ATG13: variants seen among roughly 807,000 people sequenced by gnomAD.
ATG13 encodes autophagy related 13.
A neutral mutation model predicts 65.5 loss-of-function variants in ATG13; 23 were observed. The ratio of observed to expected loss-of-function variants is 0.35; its 90% CI spans 0.25 to 0.50. ATG13 has a LOEUF of 0.50. ATG13 is among the 20% of genes least tolerant of loss of function. The pLI is 0.98. For missense variants in ATG13, 566 were observed against 677.0 expected, an observed-to-expected ratio of 0.84 and a Z score of 1.82; for synonymous variants, 252 against 245.2, an observed-to-expected ratio of 1.03 and a Z score of -0.26.
chr11:46,645,267 C>G lies in ATG13; in HGVS notation c.70-72C>G, dbSNP rs551805299. 6.6e-6 allele frequency: 9 copies of G among 1,363,926 alleles called. No individual in the cohort carries two copies. The South Asian group carries it at 1.2e-4, about 17-fold the overall frequency. The allele number at this position is 1,363,926 out of a possible 1,614,324, so 84.5% of individuals were successfully genotyped here. A position where few individuals can be genotyped will look rare whatever the true frequency, so the allele number is the denominator to read the frequency against. On this transcript the variant is annotated intron_variant, in intron 3 of 18. Coordinates refer to ENST00000683050, the MANE Select transcript of ATG13 (RefSeq NM_001346311.2). ...ACTCTGTATTGGGAGGATTTTAACC[C>G]TGATCGGGAGCCAGATTAGTCTAAG...
chr11:46,622,317 C>T (rs2048005038), intron 1 of ATG13, among the ~76,000 whole-genome samples: 2 of 151,494 alleles, frequency 1.3e-5, no homozygotes, highest in South Asian at 4.2e-4. Flanking sequence ...CGGGGTTTCA[C>T]CATGTTAGCC....
At position 46,617,616 on chromosome 11, in the gene ATG13, C is replaced by A. The variant is rs2045717173; in HGVS notation, c.-344C>A. The A allele has an allele frequency of 4.7e-6, 1 of 212,804 alleles. No homozygotes were observed. Among genetic ancestry groups the A allele is most frequent in the South Asian group, 2.0e-4 (1 of 4,894 alleles). 13.2% of individuals were successfully genotyped at this position (212,804 alleles called of 1,614,324 possible). On this transcript the variant is annotated 5_prime_UTR_variant, in exon 1 of 19. In the 5' UTR this introduces an upstream ATG that the reference lacks. Transcript: ENST00000683050. ...GGCGGCGCCGGGAAGCGACCGGCTG[C>A]TGGGCTTAAGGCGGGAGTGACCGCT...
rs1555105175 is a variant in ATG13, at chr11:46,654,283, T to TATATATATATATATATATA, written c.459-1950_459-1949insATATATATATATATATATA. Among the ~76,000 whole-genome samples, 160 of 122,280 alleles carry TATATATATATATATATATA rather than the reference T, an allele frequency of 1.3e-3. 4 individuals are homozygous for TATATATATATATATATATA. The highest frequency in any genetic ancestry group is 5.2e-3 in the African/African-American group (152 of 29,190). The allele number at this position is 122,280 out of a possible 152,430, so 80.2% of individuals were successfully genotyped here. Reference sequence around the variant, plus strand: ...CCTCATCACTACTATTTTTAAAATTTTATATATATATATATATATATATAT... The same window carrying TATATATATATATATATATA: ...CCTCATCACTACTATTTTTAAAATTTATATATATATATATATATATATATATATATATATATATATATAT... On this transcript the variant is annotated intron_variant, in intron 7 of 18. Coordinates refer to ENST00000683050, the MANE Select transcript of ATG13 (RefSeq NM_001346311.2).
At chr11:46,622,603 G>A (rs1270499678) in intron 1 of ATG13, among the ~76,000 whole-genome samples, 1 of 152,070 alleles carries the variant, frequency 6.6e-6, no homozygotes, top group Non-Finnish European at 1.5e-5. Flanking sequence ...TCAAACTGCT[G>A]ACTACTGAAG....
intron 7 of ATG13, among the ~76,000 whole-genome samples, chr11:46,653,784 T>C (rs1040313496): frequency 6.6e-6 from 1 of 151,722 alleles, no homozygotes; most frequent in Non-Finnish European, 1.5e-5. Context: ...TTAGCCAGGA[T>C]GGTCTCGATC....
intron 14 of ATG13, among the ~76,000 whole-genome samples, 174 bp downstream of exon 14, chr11:46,665,693 C>T (rs1438064270): frequency 6.6e-6 from 1 of 151,998 alleles, no homozygotes; most frequent in Non-Finnish European, 1.5e-5. Context: ...CCTATAATCC[C>T]AGCACTTTGG....
chr11:46,649,108 CAA>C (rs770755752), intron 5 of ATG13, 27 bp from the exon 6 acceptor site: 1 of 1,593,360 alleles, frequency 6.3e-7, no homozygotes, highest in African/African-American at 1.4e-5. Flanking sequence ...ATTTTTTAAA[CAA>C]ATATTTTAAA....
In ATG13 at chr11:46,672,415, C is replaced by T. The variant is rs1291621975; in HGVS notation, c.*83C>T. On this transcript the variant is annotated 3_prime_UTR_variant, in exon 19 of 19. Transcript: ENST00000683050. ...TCCCATGCATCAGCTGCTCCCACCC[C>T]TCATCCTGCTCTGAGCCAGGTGGAA... is the stretch of plus-strand genomic sequence containing the variant. The T allele has an allele frequency of 6.8e-6, 11 of 1,607,358 alleles. No homozygotes were observed. Among genetic ancestry groups the T allele is most frequent in the Admixed American group, 3.4e-5 (2 of 59,676 alleles).
In ATG13 at chr11:46,645,407, G is replaced by A. The variant is rs775740650; in HGVS notation, c.138G>A (p.Thr46=). 16 of 1,613,370 alleles carry A rather than the reference G, an allele frequency of 9.9e-6. No individual in the cohort carries two copies. The highest frequency in any genetic ancestry group is 6.7e-5 in the East Asian group (3 of 44,866). ...KICTRSSSSP[T]GSDWFNLAIK... The stretch of plus-strand genomic sequence containing the variant: ...GCACTCGTTCATCATCTTCTCCAAC[G>A]GGTTCAGATTGGGTAAAATTCTATT... Residue 46 remains threonine, a synonymous_variant, in exon 4 of 19, where the codon ACG becomes ACA. Transcript: ENST00000683050.
rs1261698234 is a variant in ATG13 at position 46,639,488 on chromosome 11, C to G, written c.-13-4791C>G. ...TTCAGGTTGTGGGTCAGAATTCTGTCTTTATATATATATATATTGCCCAGC... is the reference window on the plus strand; with the variant it reads ...TTCAGGTTGTGGGTCAGAATTCTGTGTTTATATATATATATATTGCCCAGC... On this transcript the variant is annotated intron_variant, in intron 2 of 18. Coordinates refer to ENST00000683050, the MANE Select transcript of ATG13 (RefSeq NM_001346311.2). Among the ~76,000 whole-genome samples the G allele has an allele frequency of 3.4e-4, 51 of 151,946 alleles. 1 individual carries two copies. Among genetic ancestry groups the G allele is most frequent in the Admixed American group, 3.3e-3 (51 of 15,238 alleles).
intron 17 of ATG13, 147 bp from the exon 18 acceptor site, chr11:46,669,257 A>G (rs980632138): frequency 9.8e-7 from 1 of 1,017,700 alleles, no homozygotes; most frequent in South Asian, 1.6e-5. Flanking sequence ...AGAAGTGAAC[A>G]GTCTGGGAGA....
intron 17 of ATG13, 66 bp from the exon 18 acceptor site, chr11:46,669,338 C>G: frequency 6.3e-7 from 1 of 1,575,440 alleles, no homozygotes; most frequent in South Asian, 1.1e-5. Flanking sequence ...GAAGGAAAGA[C>G]TTGTTCATAG....
Position 46,664,065 on chromosome 11 carries a change from C to CCCCATGG in ATG13, c.860_866dup (p.Gly290HisfsTer28). Reference sequence around the variant, plus strand: ...CTGTGGTGACGGACACCCTGAGGGTCCCCATGGCAGGACTGGCCTTTTCCC... The same window carrying CCCCATGG: ...CTGTGGTGACGGACACCCTGAGGGTCCCCATGGCCCATGGCAGGACTGGCCTTTTCCC... On this transcript the variant is annotated frameshift_variant, in exon 12 of 19. Coordinates refer to ENST00000683050, the MANE Select transcript of ATG13 (RefSeq NM_001346311.2). LOFTEE classifies it high-confidence loss of function. 6.3e-7 allele frequency: 1 copy of CCCCATGG among 1,597,240 alleles called. No homozygotes were observed. Among genetic ancestry groups the CCCCATGG allele is most frequent in the Non-Finnish European group, 8.5e-7 (1 of 1,179,524 alleles).
In ATG13 at chr11:46,644,265, CTTTTT is replaced by C. The variant is rs750958461; in HGVS notation, c.-13-7_-13-3del. The C allele has an allele frequency of 8.6e-7, 1 of 1,164,702 alleles. No homozygotes were observed. Among genetic ancestry groups the C allele is most frequent in the African/African-American group, 1.6e-5 (1 of 62,206 alleles). The allele number at this position is 1,164,702 out of a possible 1,614,324, so 72.1% of individuals were successfully genotyped here. A position where few individuals can be genotyped will look rare whatever the true frequency, so the allele number is the denominator to read the frequency against. On this transcript the variant is annotated splice_polypyrimidine_tract_variant and intron_variant, in intron 2 of 18. Transcript: ENST00000683050. ...AAAGATATTAGTCATATTTTTTTCA[CTTTTT>C]TTTTTTAGATTCCTATAGGCAATGG... is the stretch of plus-strand genomic sequence containing the variant.
Position 46,670,845 on chromosome 11 carries a change from C to T in ATG13, c.1575+1313C>T, listed in dbSNP as rs550039184. Among the ~76,000 whole-genome samples the T allele has an allele frequency of 5.9e-5, 9 of 152,156 alleles. No homozygotes were observed. The South Asian group carries it at 1.0e-3, about 18-fold the overall frequency. Reference sequence around the variant, plus strand: ...ATAAATAAATAAATAAAAATCAAGGCTTTTTGAGTGCCAGGCATTTTTCTA... The same window carrying T: ...ATAAATAAATAAATAAAAATCAAGGTTTTTTGAGTGCCAGGCATTTTTCTA... On this transcript the variant is annotated intron_variant, in intron 18 of 18. Coordinates refer to ENST00000683050, the MANE Select transcript of ATG13 (RefSeq NM_001346311.2).
rs1430459656 is a variant in ATG13, at chr11:46,617,807, A to C, written c.-153A>C. On this transcript the variant is annotated 5_prime_UTR_variant, in exon 1 of 19. Coordinates refer to ENST00000683050, the MANE Select transcript of ATG13 (RefSeq NM_001346311.2). ...TGCAGCTCCGGAGCGCGGAACCCTC[A>C]GCCAGGAGGCGCGGCTGGTCGGTCC... is the stretch of plus-strand genomic sequence containing the variant. 3 of 399,108 alleles carry C rather than the reference A, an allele frequency of 7.5e-6. No individual in the cohort carries two copies. Among genetic ancestry groups the C allele is most frequent in the Middle Eastern group, 6.2e-4 (1 of 1,610 alleles). The allele number at this position is 399,108 out of a possible 1,614,324, so 24.7% of individuals were successfully genotyped here. A position where few individuals can be genotyped will look rare whatever the true frequency, so the allele number is the denominator to read the frequency against.
At chr11:46,641,899 C>T (rs1042927900) in intron 2 of ATG13, among the ~76,000 whole-genome samples, 1 of 151,926 alleles carries the variant, frequency 6.6e-6, no homozygotes, top group Non-Finnish European at 1.5e-5. Context: ...CTCATCCTCC[C>T]GAGTAGCTAG....
intron 4 of ATG13, among the ~76,000 whole-genome samples, chr11:46,645,641 C>T (rs768736724): frequency 1.3e-5 from 2 of 152,030 alleles, no homozygotes; most frequent in African/African-American, 2.4e-5. Context: ...AAGCTTAGTC[C>T]TTGTAAGATA....
intron 15 of ATG13, 62 bp downstream of exon 15, chr11:46,667,949 G>T (rs1440824555): frequency 3.7e-6 from 5 of 1,358,022 alleles, no homozygotes; most frequent in South Asian, 3.6e-5. Context: ...GGCCCCACAG[G>T]CAGTTTTCTT....
Sources: allele counts gnomAD v4.1 joint callset (sites outside exome capture counted in the v4.1 genomes callset), GRCh38; gene constraint gnomAD v4.1.1; transcripts MANE v1.5; gene names NCBI Gene and HGNC (gene_info 2026-07-23, HGNC 2026-07-21).